FHAD1: variants seen among roughly 807,000 people sequenced by gnomAD.
The protein encoded by FHAD1 is forkhead-associated domain-containing protein 1.
Under a neutral mutation model 191.3 loss-of-function variants are expected in FHAD1, and 146 were observed. The ratio of observed to expected loss-of-function variants is 0.76; its 90% CI spans 0.67 to 0.88. FHAD1 has a LOEUF of 0.88. FHAD1 is among the 40% of genes least tolerant of loss of function. The pLI is 0.00. For missense variants in FHAD1, 1,635 were observed against 1,785.8 expected (o/e 0.92, Z 1.52); for synonymous variants, 616 against 672.3 (o/e 0.92, Z 1.29).
rs1254018547 is a variant in FHAD1 at position 15,341,906 on chromosome 1, A to G, written c.2130+18A>G. On this transcript the variant is annotated intron_variant, in intron 16 of 33. Transcript: ENST00000688493. Reference sequence around the variant, plus strand: ...AGAAGGCGGTAAGGTGGTCCCTGCCATTTGCTTTACTACTGGAAACTGATG... The same window carrying G: ...AGAAGGCGGTAAGGTGGTCCCTGCCGTTTGCTTTACTACTGGAAACTGATG... 8 of 1,548,752 alleles carry G rather than the reference A, an allele frequency of 5.2e-6. No homozygotes were observed. Among genetic ancestry groups the G allele is most frequent in the Middle Eastern group, 3.3e-4 (2 of 5,972 alleles).
chr1:15,276,226 G>A lies in FHAD1; in HGVS notation c.300+3697G>A, dbSNP rs773730982. Among the ~76,000 whole-genome samples, 6 of 152,288 alleles carry A rather than the reference G, an allele frequency of 3.9e-5. No individual in the cohort carries two copies. Among genetic ancestry groups the A allele is most frequent in the South Asian group, 2.1e-4 (1 of 4,826 alleles). On this transcript the variant is annotated intron_variant, in intron 3 of 33. Coordinates refer to ENST00000688493, the MANE Select transcript of FHAD1 (RefSeq NM_001391957.1). The surrounding 1 kb of genome is among the most constrained non-coding windows in gnomAD (Gnocchi z 4.7). ...ATGTGGGGTTACTGTAGTAGTAAAC[G>A]GGTCATTGTTTGCAAATTGCTTAGC...
chr1:15,360,379 G>A, intron 21 of FHAD1, 99 bp from the exon 22 acceptor site: 2 of 1,041,022 alleles, frequency 1.9e-6, no homozygotes, highest in South Asian at 1.5e-5. Flanking sequence ...CCCTGGGGTG[G>A]GGCCCAGTTT....
At chr1:15,269,433 T>C (rs536769454) in intron 2 of FHAD1, among the ~76,000 whole-genome samples, 1 of 152,376 alleles carries the variant, frequency 6.6e-6, no homozygotes, top group African/African-American at 2.4e-5. Flanking sequence ...TATTTAGAAA[T>C]GTGTTGTTTA....
intron 3 of FHAD1, among the ~76,000 whole-genome samples, chr1:15,287,840 T>A (rs1045632246): frequency 1.3e-5 from 2 of 152,124 alleles, no homozygotes; most frequent in African/African-American, 4.8e-5. Flanking sequence ...TCCTTTTCAA[T>A]GAAACCCAGC....
intron 6 of FHAD1, among the ~76,000 whole-genome samples, chr1:15,304,334 A>G (rs1669761365): frequency 6.6e-6 from 1 of 152,242 alleles, no homozygotes; most frequent in African/African-American, 2.4e-5. Flanking sequence ...CTGGGGATTT[A>G]TGCCAATTAT....
chr1:15,256,672 A>G (rs1207543156), intron 2 of FHAD1, among the ~76,000 whole-genome samples: 1 of 142,442 alleles, frequency 7.0e-6, no homozygotes, highest in East Asian at 2.1e-4. Flanking sequence ...AAAAAAAAAA[A>G]GAGTGGAGAG....
At chr1:15,274,153 C>T (rs12074861) in intron 3 of FHAD1, among the ~76,000 whole-genome samples, 8,599 of 152,226 alleles carry the variant, frequency 0.056, 711 homozygotes, top group African/African-American at 0.18. Context: ...TGGGTAGACA[C>T]GTGGGCTCCT....
chr1:15,372,183 A>G lies in FHAD1; in HGVS notation c.3448-2319A>G, dbSNP rs180826199. Among the ~76,000 whole-genome samples the G allele has an allele frequency of 2.4e-3, 346 of 141,314 alleles. 2 individuals carry two copies. Among genetic ancestry groups the G allele is most frequent in the African/African-American group, 8.6e-3 (329 of 38,278 alleles). 92.7% of individuals were successfully genotyped at this position (141,314 alleles called of 152,430 possible). A position where few individuals can be genotyped will look rare whatever the true frequency, so the allele number is the denominator to read the frequency against. ...GTCAGGGAGGCCTGTGCTGGAGGAG[A>G]CCTGGAGCAGAGCCAGAAGGAAGGA... On this transcript the variant is annotated intron_variant, in intron 26 of 33. Coordinates refer to ENST00000688493, the MANE Select transcript of FHAD1 (RefSeq NM_001391957.1).
rs80098567 is a variant in FHAD1, at chr1:15,381,617, G to T, written c.4022+166G>T. ...CCAGGGAGGGCACTGACTAGGCCTG[G>T]TAGAGGGAATTCTGTCCCCGAGATC... On this transcript the variant is annotated intron_variant, in intron 30 of 33. Coordinates refer to ENST00000688493, the MANE Select transcript of FHAD1 (RefSeq NM_001391957.1). This position sits in a 1 kb window ranked among gnomAD's most constrained non-coding sequence, Gnocchi z 4.6. Among the ~76,000 whole-genome samples the T allele has an allele frequency of 6.6e-6, 1 of 152,168 alleles. No homozygotes were observed. Among genetic ancestry groups the T allele is most frequent in the East Asian group, 1.9e-4 (1 of 5,156 alleles).
In FHAD1 at chr1:15,325,604, C is replaced by A. The variant is rs1369620442; in HGVS notation, c.1473+1045C>A. On this transcript the variant is annotated intron_variant, in intron 11 of 33. Transcript: ENST00000688493. The surrounding 1 kb of genome is among the most constrained non-coding windows in gnomAD (Gnocchi z 4.6). ...CCAGCCCCTTATCAAGGGCAGAGAA[C>A]CTGCCTGTCTGGGCCTCTTCCTGTG... 6.5e-6 allele frequency: 1 copy of A among 152,960 alleles called. No homozygotes were observed. Among genetic ancestry groups the A allele is most frequent in the Middle Eastern group, 3.2e-3 (1 of 314 alleles). 9.5% of individuals were successfully genotyped at this position (152,960 alleles called of 1,614,324 possible).
At position 15,308,837 on chromosome 1, in the gene FHAD1, C is replaced by A. The variant is rs1006579716; in HGVS notation, c.1039+101C>A. ...CAACCACATACTTTTTGTTACTGAA[C>A]TTGGCTGCAGCCTCAGAGTTCTTCC... is the stretch of plus-strand genomic sequence containing the variant. On this transcript the variant is annotated intron_variant, in intron 7 of 33. Coordinates refer to ENST00000688493, the MANE Select transcript of FHAD1 (RefSeq NM_001391957.1). 20 of 1,502,112 alleles carry A rather than the reference C, an allele frequency of 1.3e-5. 1 individual carries two copies. The South Asian group carries it at 2.6e-4, about 19-fold the overall frequency. The allele number at this position is 1,502,112 out of a possible 1,614,324, so 93.0% of individuals were successfully genotyped here. A position where few individuals can be genotyped will look rare whatever the true frequency, so the allele number is the denominator to read the frequency against.
Position 15,327,166 on chromosome 1 carries a change from T to C in FHAD1, c.1557+24T>C. The C allele has an allele frequency of 6.7e-7, 1 of 1,499,302 alleles. No individual in the cohort carries two copies. Among genetic ancestry groups the C allele is most frequent in the South Asian group, 1.2e-5 (1 of 82,818 alleles). 92.9% of individuals were successfully genotyped at this position (1,499,302 alleles called of 1,614,324 possible). A position where few individuals can be genotyped will look rare whatever the true frequency, so the allele number is the denominator to read the frequency against. ...AGGTTAGTCTGCCGTCCCTGCCACG[T>C]GGCTCCTTCACTTTCCTCTTCTTCT... On this transcript the variant is annotated intron_variant, in intron 12 of 33. Transcript: ENST00000688493. The surrounding 1 kb of genome is among the most constrained non-coding windows in gnomAD (Gnocchi z 5.1).
chr1:15,388,419 TA>T (rs773210854), intron 32 of FHAD1: 83 of 1,148,958 alleles, frequency 7.2e-5, no homozygotes, highest in Non-Finnish European at 8.7e-5. Context: ...GTCTGTCCAT[TA>T]AGGTGAGAAG....
intron 4 of FHAD1, among the ~76,000 whole-genome samples, chr1:15,295,056 T>C (rs1056364823): frequency 6.6e-6 from 1 of 152,192 alleles, no homozygotes; most frequent in African/African-American, 2.4e-5. Context: ...CTAACACTGG[T>C]ATCCTACTTT....
intron 2 of FHAD1, among the ~76,000 whole-genome samples, chr1:15,271,620 C>CGCATGGGAAATAAGTAATT (rs147559865): frequency 6.6e-6 from 1 of 151,692 alleles, no homozygotes; most frequent in Admixed American, 6.6e-5. Flanking sequence ...AATAACTAAT[C>CGCATGGGAAATAAGTAATT]GCATGGGAAA....
At chr1:15,314,613 G>GTA (rs1673423446) in intron 8 of FHAD1, 3 of 92,662 alleles carry the variant, frequency 3.2e-5, no homozygotes, top group Admixed American at 1.3e-4. Context: ...GTGGGTATGT[G>GTA]GGTGTGGGTG....
chr1:15,242,583 G>T (rs768326978), upstream of FHAD1, among the ~76,000 whole-genome samples: 13 of 152,130 alleles, frequency 8.5e-5, 1 homozygote, highest in Middle Eastern at 6.3e-3. Context: ...GAGACTGCTG[G>T]GTTCCCAAGA....
At chr1:15,350,138 C>T (rs1690327296) in intron 19 of FHAD1, among the ~76,000 whole-genome samples, 2 of 152,226 alleles carry the variant, frequency 1.3e-5, no homozygotes, top group Admixed American at 1.3e-4. Flanking sequence ...CATTTATCCA[C>T]CCACCGATTT....
chr1:15,236,984 G>T (rs1291689109), intron 1 of FHAD1, among the ~76,000 whole-genome samples: 1 of 152,124 alleles, frequency 6.6e-6, no homozygotes, highest in African/African-American at 2.4e-5. Flanking sequence ...TTTATAAGGG[G>T]CTTTCCCCTT....
Sources: allele counts gnomAD v4.1 joint callset (sites outside exome capture counted in the v4.1 genomes callset), GRCh38; gene constraint gnomAD v4.1.1; non-coding constraint Gnocchi (gnomAD v3.1); transcripts MANE v1.5; gene names NCBI Gene and HGNC (gene_info 2026-07-23, HGNC 2026-07-21).